Variants in ESR1 observed in about 807,000 individuals in gnomAD.
ESR1 encodes estrogen receptor.
A neutral mutation model predicts 52.7 loss-of-function variants in ESR1; 12 were observed. That is an observed-to-expected ratio of 0.23 (90% CI 0.15 to 0.37). ESR1 has a LOEUF of 0.37. Among genes scored for constraint, ESR1 ranks in the 10% least tolerant of loss-of-function variants. The probability of loss-of-function intolerance (pLI) is 1.00; values close to 1 mark genes in which losing one functional copy is unlikely to be tolerated. For missense variants in ESR1, 584 were observed against 779.7 expected (o/e 0.75, Z 2.99); for synonymous variants, 305 against 316.8 (o/e 0.96, Z 0.39).
In ESR1 at chr6:152,035,814, C is replaced by T. The variant is rs140407961; in HGVS notation, c.1235+24020C>T. 3.0e-3 allele frequency among the ~76,000 whole-genome samples: 454 copies of T among 152,078 alleles called. 1 individual carries two copies. Among genetic ancestry groups the T allele is most frequent in the Non-Finnish European group, 4.9e-3 (332 of 67,994 alleles). Reference sequence around the variant, plus strand: ...AACGAGCATTGAGACTACAGGAGAACAGAGGAACTAGTAAGTTAATGGTCC... The same window carrying T: ...AACGAGCATTGAGACTACAGGAGAATAGAGGAACTAGTAAGTTAATGGTCC... On this transcript the variant is annotated intron_variant, in intron 5 of 7. Transcript: ENST00000206249.
chr6:151,825,552 C>T (rs1166664818), intron 1 of ESR1, among the ~76,000 whole-genome samples: 3 of 151,962 alleles, frequency 2.0e-5, no homozygotes, highest in Non-Finnish European at 2.9e-5. Context: ...AACCTGAGGC[C>T]GTTAAAGAAT....
intron 3 of ESR1, among the ~76,000 whole-genome samples, chr6:151,925,644 A>G (rs2032601199): frequency 6.6e-6 from 1 of 152,040 alleles, no homozygotes; most frequent in African/African-American, 2.4e-5. Context: ...CATACATAAA[A>G]TTGGGTTTTT....
chr6:151,899,344 G>T (rs921174853), intron 3 of ESR1, among the ~76,000 whole-genome samples: 2 of 111,862 alleles, frequency 1.8e-5, no homozygotes, highest in Admixed American at 9.3e-5. Context: ...CTGGCCAGGC[G>T]GGGGGCTGAC....
chr6:151,961,220 T>A (rs1287165682), intron 4 of ESR1, among the ~76,000 whole-genome samples: 3 of 151,994 alleles, frequency 2.0e-5, no homozygotes. Context: ...AGACCAAAGA[T>A]TGAGCCTTGG....
chr6:151,735,690 G>C (rs1233106962), intron 2 of ESR1, among the ~76,000 whole-genome samples: 3 of 151,990 alleles, frequency 2.0e-5, no homozygotes, highest in Non-Finnish European at 4.4e-5. Flanking sequence ...CTGTACCCAG[G>C]GTCCTTGGAT....
chr6:151,963,422 A>G (rs2037900531), intron 4 of ESR1, among the ~76,000 whole-genome samples: 1 of 151,954 alleles, frequency 6.6e-6, no homozygotes, highest in Admixed American at 6.6e-5. Context: ...GACTTCACCC[A>G]CCCTCACCAC....
chr6:151,695,072 C>T (rs762739278), intron 1 of ESR1, among the ~76,000 whole-genome samples: 7 of 152,102 alleles, frequency 4.6e-5, no homozygotes, highest in Admixed American at 2.0e-4. Flanking sequence ...CCTCTTCTGG[C>T]GGCACCCCTC....
At chr6:151,912,923 T>C (rs1798496039) in intron 3 of ESR1, among the ~76,000 whole-genome samples, 1 of 150,704 alleles carries the variant, frequency 6.6e-6, no homozygotes, top group South Asian at 2.1e-4. Context: ...CTGTCGGGAG[T>C]TGGGGGACTA....
intron 1 of ESR1, among the ~76,000 whole-genome samples, chr6:151,668,969 T>C (rs969721290): frequency 6.6e-6 from 1 of 151,834 alleles, no homozygotes; most frequent in Admixed American, 6.6e-5. Flanking sequence ...TCATGTCAGG[T>C]TACATGAAGC....
At chr6:151,691,032 A>G (rs1381309547) in intron 1 of ESR1, among the ~76,000 whole-genome samples, 1 of 152,224 alleles carries the variant, frequency 6.6e-6, no homozygotes, top group Non-Finnish European at 1.5e-5. Flanking sequence ...TTAGAATTTT[A>G]TAAGCTCTTA....
upstream of ESR1, among the ~76,000 whole-genome samples, chr6:151,686,719 A>ACCAC (rs1554234569): frequency 3.8e-4 from 44 of 114,504 alleles, no homozygotes; most frequent in Middle Eastern, 3.8e-3. Context: ...CAACCAACCA[A>ACCAC]CCAACCAACC....
At chr6:151,949,346 A>G (rs774288214) in intron 4 of ESR1, among the ~76,000 whole-genome samples, 3 of 152,264 alleles carry the variant, frequency 2.0e-5, no homozygotes, top group Non-Finnish European at 2.9e-5. Flanking sequence ...TACAAGGAAC[A>G]CACTCAATTC....
chr6:151,701,516 C>T (rs868680158), intron 1 of ESR1, among the ~76,000 whole-genome samples: 4 of 119,618 alleles, frequency 3.3e-5, no homozygotes, highest in Non-Finnish European at 1.6e-5. Flanking sequence ...GTGGCAAGAG[C>T]GACACTACAT....
intron 3 of ESR1, among the ~76,000 whole-genome samples, chr6:151,899,840 G>T (rs965210014): frequency 2.6e-5 from 4 of 151,968 alleles, no homozygotes; most frequent in African/African-American, 9.6e-5. Flanking sequence ...AGATGGGATG[G>T]CGGCCGGGAA....
chr6:151,708,916 G>A (rs1256506991), intron 2 of ESR1, among the ~76,000 whole-genome samples: 2 of 152,032 alleles, frequency 1.3e-5, no homozygotes, highest in East Asian at 3.9e-4. Flanking sequence ...GTTGTGGAAT[G>A]GCTAAATATA....
intron 2 of ESR1, among the ~76,000 whole-genome samples, chr6:151,875,308 T>C (rs1791621127): frequency 6.6e-6 from 1 of 152,204 alleles, no homozygotes; most frequent in South Asian, 2.1e-4. Context: ...AGAATGGCCA[T>C]CATATTGTTC....
intron 1 of ESR1, among the ~76,000 whole-genome samples, chr6:151,657,483 C>A (rs1777494581): frequency 1.3e-5 from 2 of 152,096 alleles, no homozygotes; most frequent in South Asian, 4.1e-4. Flanking sequence ...GAAAATTGTT[C>A]TTAAATTTTA....
chr6:151,899,754 A>G (rs12210020), intron 3 of ESR1, among the ~76,000 whole-genome samples: 114,730 of 148,172 alleles, frequency 0.77, 44,867 homozygotes, highest in African/African-American at 0.87. Context: ...CTCACATCCC[A>G]GACGGGGCGG....
intron 1 of ESR1, among the ~76,000 whole-genome samples, chr6:151,697,615 A>C (rs1423932856): frequency 6.6e-6 from 1 of 152,274 alleles, no homozygotes; most frequent in African/African-American, 2.4e-5. Flanking sequence ...ATTAGGATTC[A>C]GACCATTTGA....
Sources: gnomAD v4.1 joint callset for allele counts (sites outside exome capture counted in the v4.1 genomes callset) on GRCh38, gnomAD v4.1.1 for gene constraint, MANE v1.5 for transcripts, NCBI Gene and HGNC (gene_info 2026-07-23, HGNC 2026-07-21) for gene names.